The following PLPP3 variants were observed in gnomAD, a reference collection of about 807,000 sequenced individuals.
The protein encoded by PLPP3 is phospholipid phosphatase 3, also known as PAP2 beta.
Under a neutral mutation model 29.6 loss-of-function variants are expected in PLPP3, and 6 were observed. That is an observed-to-expected ratio of 0.20 (90% CI 0.11 to 0.40). The LOEUF (loss-of-function observed/expected upper bound fraction) is 0.40. Ranked by LOEUF, PLPP3 falls within the 10% of genes least tolerant of loss-of-function variation. The probability of loss-of-function intolerance (pLI) is 1.00; values close to 1 mark genes in which losing one functional copy is unlikely to be tolerated. For missense variants in PLPP3, 308 were observed against 407.7 expected (o/e 0.76, Z 2.11); for synonymous variants, 152 against 159.7 (o/e 0.95, Z 0.36).
Position 56,524,570 on chromosome 1 carries a change from C to T in PLPP3, c.298-16G>A. ...CCGTGATGATCTAAAAGGAATCCAA[C>T]AGGGGAATTAGGCAGTATCAAGATT... On this transcript the variant is annotated splice_polypyrimidine_tract_variant and intron_variant, in intron 2 of 5. Transcript: ENST00000371250. This position sits in a 1 kb window ranked among gnomAD's most constrained non-coding sequence, Gnocchi z 4.3. The T allele has an allele frequency of 1.2e-6, 2 of 1,600,862 alleles. No individual in the cohort carries two copies. The highest frequency in any genetic ancestry group is 1.1e-5 in the South Asian group (1 of 90,810).
intron 5 of PLPP3, among the ~76,000 whole-genome samples, chr1:56,510,039 C>A (rs1645729721): frequency 6.6e-6 from 1 of 152,122 alleles, no homozygotes. Context: ...TTGCTTATGG[C>A]CCATGTTTTA....
At chr1:56,549,860 C>T (rs1248134181) in intron 1 of PLPP3, among the ~76,000 whole-genome samples, 3 of 152,268 alleles carry the variant, frequency 2.0e-5, no homozygotes, top group Non-Finnish European at 4.4e-5. Flanking sequence ...CAAAAATGGG[C>T]GGTGGGTTGG....
At chr1:56,576,630 A>G (rs1026100343) in intron 1 of PLPP3, among the ~76,000 whole-genome samples, 18 of 152,242 alleles carry the variant, frequency 1.2e-4, no homozygotes, top group Non-Finnish European at 2.5e-4. Flanking sequence ...ACAAGTAGCT[A>G]TGTGCCTCTA....
At chr1:56,535,565 A>G (rs1645921056) in intron 2 of PLPP3, among the ~76,000 whole-genome samples, 1 of 152,110 alleles carries the variant, frequency 6.6e-6, no homozygotes, top group African/African-American at 2.4e-5. Flanking sequence ...TATCAACATA[A>G]CACAAGGAAA....
At chr1:56,521,524 G>A (rs1455667576) in intron 4 of PLPP3, among the ~76,000 whole-genome samples, 1 of 152,070 alleles carries the variant, frequency 6.6e-6, no homozygotes, top group African/African-American at 2.4e-5. Flanking sequence ...GGAGGTGGGG[G>A]ATATAATAAC....
intron 1 of PLPP3, among the ~76,000 whole-genome samples, chr1:56,559,438 G>A (rs1368865149): frequency 6.6e-6 from 1 of 151,612 alleles, no homozygotes; most frequent in Non-Finnish European, 1.5e-5. Flanking sequence ...TTTTTTAAGA[G>A]ACTAGGTCTC....
At chr1:56,550,324 T>C (rs1470022362) in intron 1 of PLPP3, among the ~76,000 whole-genome samples, 1 of 152,118 alleles carries the variant, frequency 6.6e-6, no homozygotes, top group Non-Finnish European at 1.5e-5. Context: ...ACCCTATTGT[T>C]CCAGAGGGAG....
intron 4 of PLPP3, among the ~76,000 whole-genome samples, chr1:56,518,149 A>AG (rs1357447205): frequency 3.9e-5 from 6 of 152,174 alleles, no homozygotes; most frequent in Non-Finnish European, 4.4e-5. Flanking sequence ...TGATATAGGG[A>AG]GAAAAAAGAG....
intron 2 of PLPP3, among the ~76,000 whole-genome samples, chr1:56,533,846 A>T (rs1247602648): frequency 6.6e-6 from 1 of 152,204 alleles, no homozygotes; most frequent in African/African-American, 2.4e-5. Context: ...TAAGCACTCA[A>T]GTTGGGACAT....
At chr1:56,520,852 A>G (rs1645813764) in intron 4 of PLPP3, among the ~76,000 whole-genome samples, 1 of 136,500 alleles carries the variant, frequency 7.3e-6, no homozygotes, top group Admixed American at 8.3e-5. Flanking sequence ...CAGAGGTTGC[A>G]GTGAGCCGAG....
chr1:56,538,970 A>AAAAAAAAAAAAAAAAAAAAAC (rs1005848195), intron 1 of PLPP3: 1 of 150,768 alleles, frequency 6.6e-6, no homozygotes, highest in Non-Finnish European at 1.5e-5. Context: ...AAAAAAAAAA[A>AAAAAAAAAAAAAAAAAAAAAC]ACACAGTGGA....
At chr1:56,565,762 G>A (rs1000545447) in intron 1 of PLPP3, among the ~76,000 whole-genome samples, 4 of 152,102 alleles carry the variant, frequency 2.6e-5, no homozygotes, top group Admixed American at 1.3e-4. Flanking sequence ...ATAGGATCCA[G>A]GACCCAGTGG....
At chr1:56,541,817 G>A (rs943014899) in intron 1 of PLPP3, among the ~76,000 whole-genome samples, 7 of 152,028 alleles carry the variant, frequency 4.6e-5, no homozygotes, top group African/African-American at 1.7e-4. Flanking sequence ...AACAATCAAG[G>A]GAATGGCACT....
intron 2 of PLPP3, among the ~76,000 whole-genome samples, chr1:56,534,966 C>T (rs920857320): frequency 6.6e-6 from 1 of 152,102 alleles, no homozygotes; most frequent in Non-Finnish European, 1.5e-5. Flanking sequence ...GTAGCTAAGG[C>T]TGGGGTTCCT....
At chr1:56,567,401 T>TC (rs1646167953) in intron 1 of PLPP3, among the ~76,000 whole-genome samples, 1 of 108,964 alleles carries the variant, frequency 9.2e-6, no homozygotes, top group Non-Finnish European at 2.1e-5. Flanking sequence ...TTCTTTTTTT[T>TC]TTTTTTTTTT....
chr1:56,533,568 G>T (rs2100262051), intron 2 of PLPP3, among the ~76,000 whole-genome samples: 1 of 151,714 alleles, frequency 6.6e-6, no homozygotes, highest in East Asian at 1.9e-4. Context: ...TTGAGCCCCG[G>T]TTGAGTTAGC....
At chr1:56,562,524 C>A (rs1646137710) in intron 1 of PLPP3, among the ~76,000 whole-genome samples, 1 of 152,204 alleles carries the variant, frequency 6.6e-6, no homozygotes, top group Non-Finnish European at 1.5e-5. Flanking sequence ...AAAAAATATT[C>A]ATTGTACAAA....
rs550529472 is a variant in PLPP3, at chr1:56,555,877, T to C, written c.140-18765A>G. 2.6e-5 allele frequency among the ~76,000 whole-genome samples: 4 copies of C among 152,338 alleles called. No homozygotes were observed. In the South Asian group the frequency reaches 6.2e-4, roughly 24 times the overall value. On this transcript the variant is annotated intron_variant, in intron 1 of 5. Coordinates refer to ENST00000371250, the MANE Select transcript of PLPP3 (RefSeq NM_003713.5). ...TGCTTTTTAAATAACATGATGATGC[T>C]GGCTTCAACTGGCCAAACTTAGTTA...
intron 1 of PLPP3, among the ~76,000 whole-genome samples, chr1:56,576,585 G>T (rs1646237034): frequency 6.6e-6 from 1 of 152,178 alleles, no homozygotes; most frequent in Admixed American, 6.5e-5. Flanking sequence ...CTTTGAAAAT[G>T]TTGCCATGGT....
Sources: gnomAD v4.1 joint callset for allele counts (sites outside exome capture counted in the v4.1 genomes callset) on GRCh38, gnomAD v4.1.1 for gene constraint, Gnocchi (gnomAD v3.1) non-coding constraint, MANE v1.5 for transcripts, NCBI Gene and HGNC (gene_info 2026-07-23, HGNC 2026-07-21) for gene names.